Variants in MYO9B observed in about 807,000 individuals in gnomAD.
The protein encoded by MYO9B is unconventional myosin-IXb.
Under a neutral mutation model 229.5 loss-of-function variants are expected in MYO9B, and 71 were observed. The ratio of observed to expected loss-of-function variants is 0.31; its 90% CI spans 0.26 to 0.38. The LOEUF is 0.38. Ranked by LOEUF, MYO9B falls within the 10% of genes least tolerant of loss-of-function variation. MYO9B has a pLI of 1.00. For missense variants in MYO9B, 2,255 were observed against 2,920.5 expected (o/e 0.77, Z 5.25); for synonymous variants, 1,185 against 1,235.8 (o/e 0.96, Z 0.86).
chr19:17,200,612 C>A lies in MYO9B; in HGVS notation c.4373-27C>A, dbSNP rs376244339. 3.7e-5 allele frequency: 59 copies of A among 1,591,246 alleles called. No individual in the cohort carries two copies. The African/African-American group carries it at 7.1e-4, about 19-fold the overall frequency. ...TGCATCCTCCCCCTGAACCCACCCT[C>A]ACCGGCTGCTTCCTGTCCCCCCTCA... On this transcript the variant is annotated intron_variant, in intron 25 of 39. Transcript: ENST00000682292.
At chr19:17,130,477 G>A (rs1056085892) in intron 2 of MYO9B, among the ~76,000 whole-genome samples, 10 of 152,066 alleles carry the variant, frequency 6.6e-5, no homozygotes, top group Admixed American at 3.9e-4. Context: ...AAAATTAGCC[G>A]GGCGTGGTGG....
intron 24 of MYO9B, 38 bp from the exon 25 acceptor site, chr19:17,200,255 T>C (rs748502944): frequency 6.3e-7 from 1 of 1,591,288 alleles, no homozygotes; most frequent in East Asian, 2.2e-5. Context: ...TCCATTTTCA[T>C]TTCAGACTTA....
intron 2 of MYO9B, among the ~76,000 whole-genome samples, chr19:17,129,479 C>T (rs2072167694): frequency 1.3e-5 from 2 of 152,180 alleles, no homozygotes; most frequent in African/African-American, 4.8e-5. Flanking sequence ...CAGGCAGGTC[C>T]AGGGAGGCTC....
At chr19:17,080,366 T>C (rs1473500028) in intron 1 of MYO9B, among the ~76,000 whole-genome samples, 1 of 152,186 alleles carries the variant, frequency 6.6e-6, no homozygotes, top group Non-Finnish European at 1.5e-5. Context: ...GATCAAGGTG[T>C]TGGCAGGGTT....
intron 2 of MYO9B, among the ~76,000 whole-genome samples, chr19:17,112,350 G>A (rs1177755315): frequency 2.0e-5 from 3 of 152,172 alleles, no homozygotes; most frequent in African/African-American, 4.8e-5. Flanking sequence ...TAGCAGGGAC[G>A]TCCAGGTACA....
At chr19:17,107,033 A>G (rs1433403911) in intron 2 of MYO9B, among the ~76,000 whole-genome samples, 1 of 147,998 alleles carries the variant, frequency 6.8e-6, no homozygotes, top group African/African-American at 2.5e-5. Flanking sequence ...ATTGCACTCC[A>G]GCCTGGGCAA....
At chr19:17,199,893 C>G (rs1412271669) in intron 24 of MYO9B, among the ~76,000 whole-genome samples, 2 of 149,298 alleles carry the variant, frequency 1.3e-5, no homozygotes, top group African/African-American at 4.9e-5. Flanking sequence ...GAGACAGAGT[C>G]TCACTCTGTC....
intron 7 of MYO9B, among the ~76,000 whole-genome samples, chr19:17,158,720 G>A (rs1206989272): frequency 6.6e-6 from 1 of 152,184 alleles, no homozygotes; most frequent in African/African-American, 2.4e-5. Flanking sequence ...GTCTGGGTAA[G>A]GTCTAAGCCC....
At chr19:17,191,256 C>T (rs370512258) in intron 20 of MYO9B, 37 bp downstream of exon 20, 5 of 1,595,272 alleles carry the variant, frequency 3.1e-6, no homozygotes, top group Non-Finnish European at 4.3e-6. Context: ...TACAAACCCA[C>T]ACCCTGCCTT....
chr19:17,137,492 C>A (rs1302282931), intron 2 of MYO9B, among the ~76,000 whole-genome samples: 1 of 152,096 alleles, frequency 6.6e-6, no homozygotes. Flanking sequence ...CTTCCCAGAC[C>A]CCCTTCTCTG....
intron 22 of MYO9B, among the ~76,000 whole-genome samples, chr19:17,197,445 T>TAGATACATAGATAGATAGATAGAC (rs1555704419): frequency 0.023 from 3,498 of 151,010 alleles, 84 homozygotes; most frequent in African/African-American, 0.054. Context: ...GATAGATAGA[T>TAGATACATAGATAGATAGATAGAC]AGATACATAG....
chr19:17,088,442 CCT>C (rs1448178978), intron 1 of MYO9B, among the ~76,000 whole-genome samples: 1 of 152,160 alleles, frequency 6.6e-6, no homozygotes, highest in Non-Finnish European at 1.5e-5. Context: ...ACTGGAAATG[CCT>C]CTCTTTGTAA....
chr19:17,078,099 G>A (rs1240241038), intron 1 of MYO9B, among the ~76,000 whole-genome samples: 1 of 152,130 alleles, frequency 6.6e-6, no homozygotes, highest in Non-Finnish European at 1.5e-5. Context: ...TCTTCCAAAT[G>A]GTGTGTCTTG....
intron 15 of MYO9B, 71 bp from the exon 16 acceptor site, chr19:17,183,758 C>A: frequency 7.3e-7 from 1 of 1,364,522 alleles, no homozygotes; most frequent in Non-Finnish European, 1.0e-6. Flanking sequence ...CCAGGCGTGG[C>A]TTGCTGAACT....
intron 14 of MYO9B, 83 bp downstream of exon 14, chr19:17,175,824 CTTTTTTT>C (rs534528766): frequency 2.3e-4 from 112 of 497,608 alleles, no homozygotes; most frequent in Middle Eastern, 1.4e-3. Flanking sequence ...ATGCTACATT[CTTTTTTT>C]TTTTTTTTTT....
chr19:17,084,344 A>C (rs1477940633), intron 1 of MYO9B, among the ~76,000 whole-genome samples: 2 of 152,012 alleles, frequency 1.3e-5, no homozygotes, highest in African/African-American at 4.8e-5. Context: ...CTCAAAAAAA[A>C]AAAAAATTAT....
At chr19:17,132,174 A>ATTTTT (rs2072205471) in intron 2 of MYO9B, among the ~76,000 whole-genome samples, 1 of 84,418 alleles carries the variant, frequency 1.2e-5, no homozygotes, top group Non-Finnish European at 2.4e-5. Flanking sequence ...GGCTTATTTT[A>ATTTTT]TTTCTTTTTT....
intron 2 of MYO9B, 48 bp from the exon 3 acceptor site, chr19:17,145,349 A>G: frequency 1.3e-6 from 2 of 1,517,292 alleles, no homozygotes; most frequent in Non-Finnish European, 1.8e-6. Flanking sequence ...AAAAAGAAAA[A>G]GAAATTCCAC....
At chr19:17,146,230 G>C (rs1314213095) in intron 3 of MYO9B, among the ~76,000 whole-genome samples, 1 of 151,404 alleles carries the variant, frequency 6.6e-6, no homozygotes, top group Non-Finnish European at 1.5e-5. Flanking sequence ...TTGATTCATG[G>C]GGGAGTAGAT....
Sources: allele counts gnomAD v4.1 joint callset (sites outside exome capture counted in the v4.1 genomes callset), GRCh38; gene constraint gnomAD v4.1.1; transcripts MANE v1.5; gene names NCBI Gene and HGNC (gene_info 2026-07-23, HGNC 2026-07-21).